LRRC7: variants seen among roughly 807,000 people sequenced by gnomAD.
LRRC7 encodes the protein leucine rich repeat containing 7, also known as leucine-rich repeat-containing protein 7.
LRRC7 carries 23 observed loss-of-function variants against 175.7 expected under a neutral mutation model. That is an observed-to-expected ratio of 0.13 (90% CI 0.09 to 0.19). LRRC7 has a LOEUF of 0.19. Among genes scored for constraint, LRRC7 ranks in the 10% least tolerant of loss-of-function variants. The probability of loss-of-function intolerance (pLI) is 1.00; values close to 1 mark genes in which losing one functional copy is unlikely to be tolerated. For missense variants in LRRC7, 1,354 were observed against 1,904.7 expected, an observed-to-expected ratio of 0.71 and a Z score of 5.38; for synonymous variants, 685 against 680.9, an observed-to-expected ratio of 1.01 and a Z score of -0.09.
At chr1:69,916,350 G>T (rs949340284) in intron 7 of LRRC7, among the ~76,000 whole-genome samples, 2 of 143,640 alleles carry the variant, frequency 1.4e-5, no homozygotes, top group African/African-American at 5.1e-5. Flanking sequence ...ATTCAGAGAA[G>T]TAAAAACTAC....
At chr1:69,675,628 A>G (rs1557584321) in intron 1 of LRRC7, among the ~76,000 whole-genome samples, 2 of 152,288 alleles carry the variant, frequency 1.3e-5, no homozygotes, top group East Asian at 3.9e-4. Flanking sequence ...TTGTTATTAG[A>G]TCATCATGGA....
Position 70,036,194 on chromosome 1 carries a change from A to G in LRRC7, c.2069A>G (p.Tyr690Cys). 1.9e-6 allele frequency: 3 copies of G among 1,613,636 alleles called. No individual in the cohort carries two copies. Among genetic ancestry groups the G allele is most frequent in the Non-Finnish European group, 2.5e-6 (3 of 1,179,728 alleles). The change falls in exon 19 of 27, where the codon TAC (tyrosine) becomes TGC (cysteine). Residue 690 changes from tyrosine to cysteine, a missense_variant. By Grantham distance (194) the Tyr-to-Cys change is radical (BLOSUM62 -2). This residue lies in a region of LRRC7 where 1,032 missense variants were observed against 1,227.2 expected (regional missense o/e 0.84). Coordinates refer to ENST00000651989, the MANE Select transcript of LRRC7 (RefSeq NM_001370785.2). ...CCTTCATTAGCTGAGACCCCTCTGT[A>G]CCCACCCAAACTTGTTCTGCTAGGG... is the stretch of plus-strand genomic sequence containing the variant. ...LHPSLAETPL[Y>C]PPKLVLLGKD...
At chr1:69,618,186 A>G (rs1391571478) in intron 1 of LRRC7, among the ~76,000 whole-genome samples, 1 of 151,880 alleles carries the variant, frequency 6.6e-6, no homozygotes, top group African/African-American at 2.4e-5. Context: ...TTCTTTTTCC[A>G]TTACTCTCCA....
intron 8 of LRRC7, among the ~76,000 whole-genome samples, chr1:69,979,749 G>A (rs1180700859): frequency 1.3e-5 from 2 of 152,036 alleles, no homozygotes; most frequent in Non-Finnish European, 2.9e-5. Context: ...GTCTTCAGGT[G>A]GTAGCTTGGG....
intron 1 of LRRC7, among the ~76,000 whole-genome samples, chr1:69,569,511 A>G (rs933449853): frequency 6.6e-6 from 1 of 151,492 alleles, no homozygotes; most frequent in African/African-American, 2.4e-5. Context: ...TAAGGTAATC[A>G]TGGCACCCTG....
chr1:69,616,322 T>C (rs1355106471), intron 1 of LRRC7, among the ~76,000 whole-genome samples: 1 of 152,020 alleles, frequency 6.6e-6, no homozygotes, highest in Non-Finnish European at 1.5e-5. Context: ...TGAAAATGAT[T>C]AATGGATCAA....
chr1:69,699,533 A>G (rs1381050572), intron 2 of LRRC7, among the ~76,000 whole-genome samples: 1 of 152,152 alleles, frequency 6.6e-6, no homozygotes, highest in Non-Finnish European at 1.5e-5. Context: ...GCAAGACTCC[A>G]TCTAAAAAAA....
chr1:69,737,597 T>C (rs757102979), intron 2 of LRRC7, among the ~76,000 whole-genome samples: 2 of 152,062 alleles, frequency 1.3e-5, no homozygotes, highest in Non-Finnish European at 2.9e-5. Flanking sequence ...TGACATCAGG[T>C]AGACATATAA....
At chr1:69,978,932 G>GAAAAAAA (rs3069189) in intron 8 of LRRC7, among the ~76,000 whole-genome samples, 2 of 126,146 alleles carry the variant, frequency 1.6e-5, no homozygotes, top group African/African-American at 2.9e-5. Flanking sequence ...GTTTCAGTTA[G>GAAAAAAA]AAAAAAAAAA....
intron 1 of LRRC7, among the ~76,000 whole-genome samples, chr1:69,615,760 G>C (rs1284764925): frequency 8.6e-5 from 13 of 151,948 alleles, no homozygotes. Flanking sequence ...TTACTGTGAG[G>C]TTAATGAAAA....
intron 2 of LRRC7, among the ~76,000 whole-genome samples, chr1:69,753,449 A>G (rs1247694954): frequency 6.6e-6 from 1 of 151,932 alleles, no homozygotes; most frequent in African/African-American, 2.4e-5. Flanking sequence ...AGATAATGAG[A>G]TCCAAGCCTA....
chr1:69,652,276 A>T (rs999581038), intron 1 of LRRC7, among the ~76,000 whole-genome samples: 1 of 152,190 alleles, frequency 6.6e-6, no homozygotes, highest in Non-Finnish European at 1.5e-5. Context: ...TAGAACTAAT[A>T]TATCAGTTCA....
intron 4 of LRRC7, among the ~76,000 whole-genome samples, chr1:69,810,538 G>A (rs182057578): frequency 1.1e-4 from 17 of 152,078 alleles, no homozygotes; most frequent in African/African-American, 4.1e-4. Flanking sequence ...CAAGGCCACA[G>A]CAACTAAAAC....
intron 22 of LRRC7, among the ~76,000 whole-genome samples, chr1:70,050,864 A>G (rs1660694151): frequency 6.6e-6 from 1 of 152,008 alleles, no homozygotes; most frequent in Admixed American, 6.6e-5. Flanking sequence ...GACTTAAGCC[A>G]TCCCTAAGGT....
rs111528351 is a variant in LRRC7, at chr1:69,609,773, C to T, written c.2+41132C>T. 7.0e-3 allele frequency among the ~76,000 whole-genome samples: 1,059 copies of T among 152,086 alleles called. 6 individuals carry two copies. Among genetic ancestry groups the T allele is most frequent in the African/African-American group, 0.024 (994 of 41,520 alleles). On this transcript the variant is annotated intron_variant, in intron 1 of 26. Coordinates refer to ENST00000651989, the MANE Select transcript of LRRC7 (RefSeq NM_001370785.2). ...GTATTTTCTGATATTTAGATTGTTT[C>T]TTTTAATTATACAATGCAACAATAA...
chr1:69,621,675 G>A (rs1452316075), intron 1 of LRRC7, among the ~76,000 whole-genome samples: 1 of 152,132 alleles, frequency 6.6e-6, no homozygotes, highest in East Asian at 1.9e-4. Context: ...ATTTGTGAAA[G>A]TATGCCCATA....
At chr1:70,086,400 G>A (rs1361168764) in intron 24 of LRRC7, among the ~76,000 whole-genome samples, 1 of 152,160 alleles carries the variant, frequency 6.6e-6, no homozygotes, top group Non-Finnish European at 1.5e-5. Flanking sequence ...GTAGAATTAT[G>A]GAAGCAGACT....
At chr1:70,035,979 T>C in intron 18 of LRRC7, 142 bp from the exon 19 acceptor site, 1 of 576,070 alleles carries the variant, frequency 1.7e-6, no homozygotes, top group Non-Finnish European at 3.0e-6. Flanking sequence ...GAGATACATA[T>C]GGTTTATTTC....
chr1:69,577,004 G>T (rs754425104), intron 1 of LRRC7, among the ~76,000 whole-genome samples: 1 of 152,068 alleles, frequency 6.6e-6, no homozygotes, highest in South Asian at 2.1e-4. Flanking sequence ...GAGGATGGAC[G>T]TTTTTTGTTT....
Sources: allele counts gnomAD v4.1 joint callset (sites outside exome capture counted in the v4.1 genomes callset), GRCh38; gene constraint gnomAD v4.1.1; regional missense constraint gnomAD v4.1.1; transcripts MANE v1.5; gene names NCBI Gene and HGNC (gene_info 2026-07-23, HGNC 2026-07-21).